The following NRXN1 variants were observed in gnomAD, a reference collection of about 807,000 sequenced individuals.
The protein encoded by NRXN1 is neurexin-1.
In NRXN1, 39 loss-of-function variants were observed where a neutral mutation model predicts 150.9. The observed-to-expected ratio is 0.26, with a 90% CI of 0.20 to 0.34. NRXN1 has a LOEUF of 0.34. Ranked by LOEUF, NRXN1 falls within the 10% of genes least tolerant of loss-of-function variation. The pLI, the probability that NRXN1 is intolerant of heterozygous loss-of-function variation, is 1.00. For synonymous variants in NRXN1, 924 were observed against 757.0 expected (o/e 1.22, Z -3.62); for missense variants, 1,815 against 1,949.9 (o/e 0.93, Z 1.30).
chr2:50,408,375 T>C (rs2082902555), intron 17 of NRXN1, among the ~76,000 whole-genome samples: 1 of 152,198 alleles, frequency 6.6e-6, no homozygotes, highest in African/African-American at 2.4e-5. Context: ...CTAGGCAGTG[T>C]TTCTATCTTC....
intron 8 of NRXN1, among the ~76,000 whole-genome samples, chr2:50,571,185 T>C (rs778346194): frequency 4.6e-5 from 7 of 152,146 alleles, no homozygotes; most frequent in Non-Finnish European, 8.8e-5. Flanking sequence ...TTAAAATTAA[T>C]GCAATATAAA....
chr2:50,488,005 A>G (rs2090999964), intron 15 of NRXN1, among the ~76,000 whole-genome samples: 1 of 152,146 alleles, frequency 6.6e-6, no homozygotes, highest in South Asian at 2.1e-4. Context: ...AATGCTGCTC[A>G]CTCAAGCACT....
chr2:50,570,221 G>C (rs997490340), intron 8 of NRXN1, among the ~76,000 whole-genome samples: 2 of 151,930 alleles, frequency 1.3e-5, no homozygotes, highest in Admixed American at 1.3e-4. Flanking sequence ...TTCTAGAGAG[G>C]AAGAAGGAGT....
rs1032504283 is a variant in NRXN1 at position 50,077,437 on chromosome 2, A to C, written c.3718+13886T>G. 9.9e-5 allele frequency among the ~76,000 whole-genome samples: 15 copies of C among 151,620 alleles called. No individual in the cohort carries two copies. The South Asian group carries it at 3.1e-3, about 31-fold the overall frequency. On this transcript the variant is annotated intron_variant, in intron 19 of 22. Transcript: ENST00000401669. ...TCTGCCTTCTACTGTGATTGTGCTC[A>C]TTCTGCCTTTCTTTTTTTACTAAAG...
intron 17 of NRXN1, among the ~76,000 whole-genome samples, chr2:50,356,706 C>A (rs1033722524): frequency 6.6e-6 from 1 of 152,098 alleles, no homozygotes; most frequent in African/African-American, 2.4e-5. Context: ...AAATAAACCA[C>A]ACAGCAAGTG....
intron 17 of NRXN1, among the ~76,000 whole-genome samples, chr2:50,337,189 G>A (rs912631959): frequency 2.7e-5 from 4 of 150,838 alleles, no homozygotes; most frequent in African/African-American, 9.8e-5. Context: ...AGGTTCAAGC[G>A]ATTCTTCTGC....
chr2:50,239,948 T>C (rs1181049896), intron 17 of NRXN1, among the ~76,000 whole-genome samples: 13 of 151,192 alleles, frequency 8.6e-5, no homozygotes, highest in South Asian at 2.1e-4. Context: ...TAGATTAACA[T>C]TTAGTTGGGG....
At chr2:50,686,970 A>G (rs1193068685) in intron 5 of NRXN1, among the ~76,000 whole-genome samples, 3 of 152,202 alleles carry the variant, frequency 2.0e-5, no homozygotes, top group African/African-American at 7.2e-5. Flanking sequence ...AAAACTCTTT[A>G]TACTTCCATA....
chr2:50,912,561 T>C (rs367895430), intron 5 of NRXN1, among the ~76,000 whole-genome samples: 22 of 151,904 alleles, frequency 1.4e-4, no homozygotes, highest in Non-Finnish European at 2.5e-4. Context: ...TATGTTTTAA[T>C]GTGAGTGAAA....
intron 5 of NRXN1, among the ~76,000 whole-genome samples, chr2:50,766,873 C>T (rs529035739): frequency 1.5e-3 from 221 of 152,038 alleles, no homozygotes; most frequent in African/African-American, 5.1e-3. Context: ...ATTACATGGA[C>T]AAAACAATAG....
At chr2:50,354,554 C>G (rs866999065) in intron 17 of NRXN1, among the ~76,000 whole-genome samples, 1 of 100,132 alleles carries the variant, frequency 1.0e-5, no homozygotes, top group Non-Finnish European at 2.0e-5. Flanking sequence ...AGAGTGCATA[C>G]ATATATATAT....
At chr2:51,027,476 C>T in intron 2 of NRXN1, 26 bp downstream of exon 2, 6 of 1,493,170 alleles carry the variant, frequency 4.0e-6, no homozygotes. Context: ...GGCCCCGGCC[C>T]CCGTGGGTCG....
At chr2:51,025,809 G>A (rs1044122029) in intron 2 of NRXN1, among the ~76,000 whole-genome samples, 1 of 152,118 alleles carries the variant, frequency 6.6e-6, no homozygotes, top group African/African-American at 2.4e-5. Flanking sequence ...TGTAAAGCCT[G>A]CTCTCATAAC....
At chr2:50,189,385 G>A (rs764604583) in intron 18 of NRXN1, among the ~76,000 whole-genome samples, 1 of 152,016 alleles carries the variant, frequency 6.6e-6, no homozygotes, top group Non-Finnish European at 1.5e-5. Flanking sequence ...GGGTAGGGGA[G>A]GGATAGCATT....
chr2:49,947,533 T>C (rs1405358597), intron 21 of NRXN1, among the ~76,000 whole-genome samples: 2 of 129,594 alleles, frequency 1.5e-5, no homozygotes, highest in East Asian at 4.9e-4. Context: ...TTTTTTTTTG[T>C]AGAGATAAGG....
chr2:51,027,615 C>T lies in NRXN1; in HGVS notation c.659G>A (p.Gly220Asp), dbSNP rs1301882951. 1 of 1,589,550 alleles carries T rather than the reference C, an allele frequency of 6.3e-7. No homozygotes were observed. Among genetic ancestry groups the T allele is most frequent in the East Asian group, 2.3e-5 (1 of 43,160 alleles). Reference protein sequence around the residue: ...NSGGGSPCEAGEEGEGGVCLN... With the variant: ...NSGGGSPCEADEEGEGGVCLN... ...GCACACCCCGCCCTCGCCCTCCTCG[C>T]CCGCCTCGCACGGGCTTCCCCCGCC... Residue 220 changes from glycine to aspartate, a missense_variant, in exon 2 of 23, where the codon GGC becomes GAC. By Grantham distance (94) the Gly-to-Asp change is moderately conservative. Around this residue, in one of 6 missense-constraint regions of NRXN1, gnomAD observed 554 missense variants for 478.8 expected, o/e 1.16. Coordinates refer to ENST00000401669, the MANE Select transcript of NRXN1 (RefSeq NM_001330078.2).
At position 50,278,346 on chromosome 2, in the gene NRXN1, G is replaced by A. The variant is rs544805356; in HGVS notation, c.3365-41376C>T. Among the ~76,000 whole-genome samples, 4 of 134,476 alleles carry A rather than the reference G, an allele frequency of 3.0e-5. No homozygotes were observed. The East Asian group carries it at 8.3e-4, about 28-fold the overall frequency. 88.2% of individuals were successfully genotyped at this position (134,476 alleles called of 152,430 possible). A position where few individuals can be genotyped will look rare whatever the true frequency, so the allele number is the denominator to read the frequency against. On this transcript the variant is annotated intron_variant, in intron 17 of 22. Transcript: ENST00000401669. ...ATATATATATATTTAGTAGAGATGG[G>A]GTTTCACCATGTTAGCCAGGCTGGT...
intron 17 of NRXN1, among the ~76,000 whole-genome samples, chr2:50,457,598 C>G (rs1222923572): frequency 6.6e-6 from 1 of 151,948 alleles, no homozygotes; most frequent in Non-Finnish European, 1.5e-5. Context: ...ATAAAGAACT[C>G]AAACAATTCA....
chr2:50,821,536 A>T (rs901717009), intron 5 of NRXN1, among the ~76,000 whole-genome samples: 5 of 152,190 alleles, frequency 3.3e-5, no homozygotes, highest in Non-Finnish European at 7.3e-5. Flanking sequence ...TAACATATGT[A>T]AATAGCTAAG....
Sources: allele counts gnomAD v4.1 joint callset (sites outside exome capture counted in the v4.1 genomes callset), GRCh38; gene constraint gnomAD v4.1.1; regional missense constraint gnomAD v4.1.1; transcripts MANE v1.5; gene names NCBI Gene and HGNC (gene_info 2026-07-23, HGNC 2026-07-21).